MAGI2: variants seen among roughly 807,000 people sequenced by gnomAD.
The protein encoded by MAGI2 is membrane associated guanylate kinase, WW and PDZ domain containing 2.
In MAGI2, 35 loss-of-function variants were observed where a neutral mutation model predicts 133.3. That is an observed-to-expected ratio of 0.26 (90% confidence interval 0.20 to 0.35). The LOEUF is 0.35. MAGI2 is among the 10% of genes least tolerant of loss of function. MAGI2 has a pLI of 1.00. For synonymous variants in MAGI2, 729 were observed against 710.6 expected (o/e 1.03, Z -0.41); for missense variants, 1,636 against 1,863.4 (o/e 0.88, Z 2.25).
At chr7:78,385,675 T>C (rs7789307) in intron 6 of MAGI2, among the ~76,000 whole-genome samples, 82,152 of 152,086 alleles carry the variant, frequency 0.54, 23,158 homozygotes, top group Middle Eastern at 0.66. Context: ...ATAATCCAGG[T>C]GGAGATACTG....
chr7:78,291,309 T>C lies in MAGI2; in HGVS notation c.1409-34728A>G, dbSNP rs961524283. On this transcript the variant is annotated intron_variant, in intron 9 of 21. Coordinates refer to ENST00000354212, the MANE Select transcript of MAGI2 (RefSeq NM_012301.4). ...TCACAGAATACTATAAACACATCTA[T>C]GCAAATAAACTAGAAAATCTAGAAG... Among the ~76,000 whole-genome samples the C allele has an allele frequency of 1.2e-3, 176 of 152,188 alleles. 1 individual carries two copies. Among genetic ancestry groups the C allele is most frequent in the Non-Finnish European group, 1.3e-4 (9 of 67,984 alleles).
At chr7:79,210,085 A>G (rs1486047057) in intron 1 of MAGI2, among the ~76,000 whole-genome samples, 6 of 152,018 alleles carry the variant, frequency 3.9e-5, no homozygotes, top group Non-Finnish European at 8.8e-5. Context: ...TCTAATTTAT[A>G]TATCTTTCTC....
chr7:78,881,707 T>C (rs189587765), intron 2 of MAGI2, among the ~76,000 whole-genome samples: 3 of 152,072 alleles, frequency 2.0e-5, no homozygotes, highest in Admixed American at 2.0e-4. Context: ...GACTTCTGAA[T>C]AAACAACAAA....
At chr7:78,879,086 G>T (rs1795649193) in intron 2 of MAGI2, among the ~76,000 whole-genome samples, 1 of 152,158 alleles carries the variant, frequency 6.6e-6, no homozygotes, top group Non-Finnish European at 1.5e-5. Context: ...CCCCCACAGA[G>T]AACTTGGGGC....
At chr7:78,887,197 C>T (rs748786661) in intron 2 of MAGI2, among the ~76,000 whole-genome samples, 5 of 152,192 alleles carry the variant, frequency 3.3e-5, no homozygotes, top group Admixed American at 6.5e-5. Context: ...TGTATCTTAA[C>T]GACCAAATCA....
intron 1 of MAGI2, among the ~76,000 whole-genome samples, chr7:79,235,447 C>T (rs1371060327): frequency 6.6e-6 from 1 of 152,206 alleles, no homozygotes; most frequent in Non-Finnish European, 1.5e-5. Context: ...ATCAGCGAGA[C>T]TCCGTGGGCA....
intron 6 of MAGI2, among the ~76,000 whole-genome samples, chr7:78,377,414 C>T (rs1175635208): frequency 1.3e-5 from 2 of 151,808 alleles, no homozygotes; most frequent in Non-Finnish European, 2.9e-5. Flanking sequence ...AGAAATGTTT[C>T]TAGCAAACCT....
intron 10 of MAGI2, among the ~76,000 whole-genome samples, chr7:78,229,534 A>G (rs1238796842): frequency 6.6e-6 from 1 of 152,196 alleles, no homozygotes; most frequent in Non-Finnish European, 1.5e-5. Flanking sequence ...GCTTCACGTC[A>G]AAAAGGCCAG....
At chr7:78,617,868 T>C (rs1807276610) in intron 3 of MAGI2, 1 of 152,172 alleles carries the variant, frequency 6.6e-6, no homozygotes, top group East Asian at 1.9e-4. Flanking sequence ...TTTTCCAGTA[T>C]TGATGGTTTC....
chr7:78,089,884 C>T (rs1361531367), intron 20 of MAGI2, among the ~76,000 whole-genome samples: 3 of 152,184 alleles, frequency 2.0e-5, no homozygotes, highest in Admixed American at 6.5e-5. Flanking sequence ...CACCTCCCCT[C>T]CTGCCCCATG....
At chr7:78,973,850 C>A (rs1449698902) in intron 2 of MAGI2, among the ~76,000 whole-genome samples, 1 of 151,704 alleles carries the variant, frequency 6.6e-6, no homozygotes, top group East Asian at 2.0e-4. Context: ...CCTTTGGCCC[C>A]TCCTCATTTC....
chr7:79,220,268 A>T (rs994528956), intron 1 of MAGI2, among the ~76,000 whole-genome samples: 1 of 152,012 alleles, frequency 6.6e-6, no homozygotes, highest in Non-Finnish European at 1.5e-5. Context: ...GCCTCAGTTG[A>T]TCAGAACATG....
intron 20 of MAGI2, among the ~76,000 whole-genome samples, chr7:78,121,852 A>G (rs1210569874): frequency 6.6e-6 from 1 of 152,270 alleles, no homozygotes; most frequent in African/African-American, 2.4e-5. Flanking sequence ...TAAAATGGAA[A>G]AATAGATAAT....
intron 6 of MAGI2, among the ~76,000 whole-genome samples, chr7:78,402,814 A>G (rs1373321304): frequency 2.0e-5 from 3 of 152,174 alleles, no homozygotes; most frequent in Admixed American, 2.0e-4. Context: ...TTCTCCATAT[A>G]CTTGGATAAG....
chr7:78,267,586 A>G lies in MAGI2; in HGVS notation c.1409-11005T>C, dbSNP rs371478842. ...AAAACTCCCTCAAACACATGGCAAAAAGGAAGAACAAAATTTGTCTTGGCT... is the reference window on the plus strand; with the variant it reads ...AAAACTCCCTCAAACACATGGCAAAGAGGAAGAACAAAATTTGTCTTGGCT... On this transcript the variant is annotated intron_variant, in intron 9 of 21. Transcript: ENST00000354212. Among the ~76,000 whole-genome samples the G allele has an allele frequency of 1.2e-4, 19 of 152,330 alleles. No homozygotes were observed. The East Asian group carries it at 3.1e-3, about 25-fold the overall frequency.
chr7:78,228,934 A>G (rs1451539737), intron 10 of MAGI2, among the ~76,000 whole-genome samples: 1 of 152,250 alleles, frequency 6.6e-6, no homozygotes, highest in Non-Finnish European at 1.5e-5. Flanking sequence ...TCATTTACCT[A>G]ATACACTAGA....
chr7:78,279,550 A>G (rs1795354580), intron 9 of MAGI2, among the ~76,000 whole-genome samples: 1 of 152,178 alleles, frequency 6.6e-6, no homozygotes, highest in Non-Finnish European at 1.5e-5. Context: ...CCCTCAGGGC[A>G]TCTTAGCTGC....
intron 1 of MAGI2, among the ~76,000 whole-genome samples, chr7:79,306,269 ATTTTATTTATATGTATATATATTAT>A: frequency 6.8e-6 from 1 of 146,032 alleles, no homozygotes; most frequent in East Asian, 2.0e-4. Flanking sequence ...ATTTATATAT[ATTTTATTTATATGTATATATATTAT>A]TTATATGCAT....
At chr7:78,404,289 T>G (rs192029187) in intron 6 of MAGI2, among the ~76,000 whole-genome samples, 233 of 152,138 alleles carry the variant, frequency 1.5e-3, no homozygotes, top group East Asian at 8.1e-3. Flanking sequence ...AGCTACCAAT[T>G]ACTTTCCTCA....
Sources: gnomAD v4.1 joint callset for allele counts (sites outside exome capture counted in the v4.1 genomes callset) on GRCh38, gnomAD v4.1.1 for gene constraint, MANE v1.5 for transcripts, NCBI Gene and HGNC (gene_info 2026-07-23, HGNC 2026-07-21) for gene names.